LRRC39: variants seen among roughly 807,000 people sequenced by gnomAD.
The protein encoded by LRRC39 is leucine rich repeat containing 39, also known as leucine-rich repeat-containing protein 39.
In LRRC39, 35 loss-of-function variants were observed where a neutral mutation model predicts 39.7. That is an observed-to-expected ratio of 0.88 (90% confidence interval 0.67 to 1.17). The LOEUF (loss-of-function observed/expected upper bound fraction) is 1.17, where lower values mean the gene tolerates loss of function less well. Among genes scored for constraint, LRRC39 ranks in the 50% most tolerant of loss-of-function variants. The pLI is 0.00. For missense variants in LRRC39, 357 were observed against 385.8 expected, an observed-to-expected ratio of 0.93 and a Z score of 0.62; for synonymous variants, 113 against 134.1, an observed-to-expected ratio of 0.84 and a Z score of 1.09.
At chr1:100,163,678 C>T (rs1436563165) in intron 3 of LRRC39, among the ~76,000 whole-genome samples, 1 of 151,640 alleles carries the variant, frequency 6.6e-6, no homozygotes, top group Non-Finnish European at 1.5e-5. Flanking sequence ...AGCAATCCTC[C>T]TGCCTCAGCC....
chr1:100,161,308 A>G (rs1391014393), intron 3 of LRRC39, among the ~76,000 whole-genome samples: 1 of 152,024 alleles, frequency 6.6e-6, no homozygotes, highest in East Asian at 1.9e-4. Flanking sequence ...TTGTATATGG[A>G]TTTTCCTATC....
rs768458380 is a variant in LRRC39 at position 100,158,328 on chromosome 1, T to C, written c.416A>G (p.Asn139Ser). The C allele has an allele frequency of 2.5e-6, 4 of 1,614,036 alleles. No individual in the cohort carries two copies. Among genetic ancestry groups the C allele is most frequent in the East Asian group, 4.5e-5 (2 of 44,850 alleles). The stretch of plus-strand genomic sequence containing the variant: ...TTCCTTGGGGACAGTCTTGATTTTG[T>C]TGTAGCTGAGAATCAGTTCCTGAAG... ...TRLQELILSY[N>S]KIKTVPKELS... Residue 139 changes from asparagine to serine, a missense_variant, in exon 6 of 10, where the codon AAC becomes AGC. Asn to Ser is a conservative substitution (Grantham distance 46, BLOSUM62 1). Coordinates refer to ENST00000370137, the MANE Select transcript of LRRC39 (RefSeq NM_144620.4).
At chr1:100,160,413 A>G in intron 4 of LRRC39, 53 bp downstream of exon 4, 2 of 1,400,884 alleles carry the variant, frequency 1.4e-6, no homozygotes, top group Admixed American at 1.7e-5. Context: ...CATTCTCTCA[A>G]CTGACTCACA....
chr1:100,172,518 C>T lies in LRRC39; in HGVS notation c.-79+813G>A, dbSNP rs148011590. Among the ~76,000 whole-genome samples, 790 of 151,816 alleles carry T rather than the reference C, an allele frequency of 5.2e-3. 10 individuals are homozygous for T. The highest frequency in any genetic ancestry group is 0.019 in the African/African-American group (772 of 41,386). ...CCTGGACAACATGGTGAAACCCCGT[C>T]TCTACTAAAAAAATACAAAAAAGGC... is the stretch of plus-strand genomic sequence containing the variant. On this transcript the variant is annotated intron_variant, in intron 2 of 9. Transcript: ENST00000370137.
Position 100,149,039 on chromosome 1 carries a change from A to ATAT in LRRC39, c.1008_*2dup, listed in dbSNP as rs763920692. The stretch of plus-strand genomic sequence containing the variant: ...CCTCTTTAGAAGGGCATCTTGAATT[A>ATAT]TATTATCCATCCGTATTTATGGAGA... On this transcript the variant is annotated 3_prime_UTR_variant, in exon 10 of 10. Coordinates refer to ENST00000370137, the MANE Select transcript of LRRC39 (RefSeq NM_144620.4). The ATAT allele has an allele frequency of 6.3e-7, 1 of 1,585,596 alleles. No homozygotes were observed. The highest frequency in any genetic ancestry group is 1.4e-5 in the African/African-American group (1 of 73,866).
chr1:100,153,495 C>T (rs1233722615), intron 8 of LRRC39, among the ~76,000 whole-genome samples: 1 of 151,960 alleles, frequency 6.6e-6, no homozygotes, highest in African/African-American at 2.4e-5. Flanking sequence ...AAGTAATAAT[C>T]AACAGTTAAT....
intron 9 of LRRC39, chr1:100,149,391 T>C: frequency 6.5e-7 from 1 of 1,546,440 alleles, no homozygotes; most frequent in Non-Finnish European, 8.7e-7. Context: ...GCCATACATG[T>C]ATATATTGTC....
Position 100,149,013 on chromosome 1 carries a change from T to C in LRRC39, c.*29A>G. ...AACATTAGAGAATTCACCAAAGTAA[T>C]CCTCTTTAGAAGGGCATCTTGAATT... is the stretch of plus-strand genomic sequence containing the variant. On this transcript the variant is annotated 3_prime_UTR_variant, in exon 10 of 10. Coordinates refer to ENST00000370137, the MANE Select transcript of LRRC39 (RefSeq NM_144620.4). 1 of 1,521,554 alleles carries C rather than the reference T, an allele frequency of 6.6e-7. No individual in the cohort carries two copies. Among genetic ancestry groups the C allele is most frequent in the South Asian group, 1.3e-5 (1 of 74,682 alleles). The allele number at this position is 1,521,554 out of a possible 1,614,324, so 94.3% of individuals were successfully genotyped here. A position where few individuals can be genotyped will look rare whatever the true frequency, so the allele number is the denominator to read the frequency against.
intron 6 of LRRC39, 118 bp from the exon 7 acceptor site, chr1:100,156,435 A>G: frequency 1.1e-6 from 1 of 925,750 alleles, no homozygotes; most frequent in Non-Finnish European, 1.5e-6. Flanking sequence ...CTTGGGCTTT[A>G]TTTAGTCATA....
rs1475084694 is a variant in LRRC39 at position 100,160,494 on chromosome 1, A to G, written c.191T>C (p.Ile64Thr). The G allele has an allele frequency of 6.2e-7, 1 of 1,613,868 alleles. No homozygotes were observed. The highest frequency in any genetic ancestry group is 1.1e-5 in the South Asian group (1 of 91,050). ...CCATTCCTCTTTTTCTATCTTCAAA[A>G]TGACTCTTCCATCTTCCCTGGTGAC... ...EKVTREDGRVILKIEKEEWKT... is the reference protein window; with the variant it reads ...EKVTREDGRVTLKIEKEEWKT... Residue 64 changes from isoleucine to threonine, a missense_variant, in exon 4 of 10, where the codon ATT becomes ACT. Ile to Thr is a moderately conservative substitution (Grantham distance 89, BLOSUM62 -1). Coordinates refer to ENST00000370137, the MANE Select transcript of LRRC39 (RefSeq NM_144620.4).
In LRRC39 at chr1:100,148,553, A is replaced by T; in HGVS notation, c.*489T>A. On this transcript the variant is annotated 3_prime_UTR_variant, in exon 10 of 10. Transcript: ENST00000370137. ...GTTAGTTAACAGTCTCTCAATAAAT[A>T]GTGACAAAAATAATTTTTTATAAAC... is the stretch of plus-strand genomic sequence containing the variant. 7.2e-7 allele frequency: 1 copy of T among 1,387,986 alleles called. No individual in the cohort carries two copies. Among genetic ancestry groups the T allele is most frequent in the Non-Finnish European group, 1.0e-6 (1 of 1,003,036 alleles). The allele number at this position is 1,387,986 out of a possible 1,614,324, so 86.0% of individuals were successfully genotyped here. A position where few individuals can be genotyped will look rare whatever the true frequency, so the allele number is the denominator to read the frequency against.
At chr1:100,149,541 T>C in intron 9 of LRRC39, 1 of 1,154,436 alleles carries the variant, frequency 8.7e-7, no homozygotes, top group Non-Finnish European at 1.2e-6. Context: ...AAATTTGAAA[T>C]AATTTCTGAA....
chr1:100,167,824 AATG>A (rs200090512), intron 3 of LRRC39, among the ~76,000 whole-genome samples: 3 of 140,174 alleles, frequency 2.1e-5, no homozygotes, highest in East Asian at 2.0e-4. Flanking sequence ...TAATAATAAT[AATG>A]ATAGAAAGAG....
chr1:100,169,954 A>C (rs977124714), intron 2 of LRRC39, among the ~76,000 whole-genome samples: 2 of 152,174 alleles, frequency 1.3e-5, no homozygotes, highest in Non-Finnish European at 2.9e-5. Flanking sequence ...ATTACTGCAT[A>C]AAGCCATATC....
chr1:100,161,564 C>T (rs1041808008), intron 3 of LRRC39, among the ~76,000 whole-genome samples: 1 of 152,098 alleles, frequency 6.6e-6, no homozygotes. Context: ...TATTGATGTA[C>T]AAATTTTTGT....
intron 1 of LRRC39, among the ~76,000 whole-genome samples, chr1:100,177,674 A>G (rs1417585108): frequency 6.6e-6 from 1 of 152,226 alleles, no homozygotes; most frequent in Non-Finnish European, 1.5e-5. Context: ...CTACATGTAT[A>G]CATGTATTTT....
At chr1:100,169,435 G>C (rs1659454360) in intron 2 of LRRC39, among the ~76,000 whole-genome samples, 2 of 152,174 alleles carry the variant, frequency 1.3e-5, no homozygotes, top group African/African-American at 4.8e-5. Flanking sequence ...TCTGTATGGA[G>C]AGAAACTTGG....
intron 7 of LRRC39, among the ~76,000 whole-genome samples, 169 bp downstream of exon 7, chr1:100,156,003 C>T (rs1173140672): frequency 6.6e-6 from 1 of 152,098 alleles, no homozygotes; most frequent in African/African-American, 2.4e-5. Context: ...CTTCCCAAAC[C>T]CTTTTACTTA....
chr1:100,163,542 A>G (rs1280867177), intron 3 of LRRC39, among the ~76,000 whole-genome samples: 2 of 151,508 alleles, frequency 1.3e-5, no homozygotes, highest in Admixed American at 6.6e-5. Context: ...TAATTAAATG[A>G]TATCTATGTA....
Sources: gnomAD v4.1 joint callset for allele counts (sites outside exome capture counted in the v4.1 genomes callset) on GRCh38, gnomAD v4.1.1 for gene constraint, MANE v1.5 for transcripts, NCBI Gene and HGNC (gene_info 2026-07-23, HGNC 2026-07-21) for gene names.